Variants in HPSE2 observed in about 807,000 individuals in gnomAD.
The protein encoded by HPSE2 is inactive heparanase-2.
In HPSE2, 38 loss-of-function variants were observed where a neutral mutation model predicts 60.5. The ratio of observed to expected loss-of-function variants is 0.63; its 90% CI spans 0.48 to 0.82. The LOEUF is 0.82. HPSE2 is among the 40% of genes least tolerant of loss of function. HPSE2 has a pLI of 0.00. For missense variants in HPSE2, 713 were observed against 740.4 expected (o/e 0.96, Z 0.43); for synonymous variants, 295 against 293.2 (o/e 1.01, Z -0.06).
intron 3 of HPSE2, among the ~76,000 whole-genome samples, chr10:99,115,489 T>TG (rs1844653761): frequency 9.2e-5 from 14 of 151,932 alleles, no homozygotes; most frequent in Admixed American, 5.2e-4. Flanking sequence ...GAGACAGGGC[T>TG]TTGCTATGTT....
intron 9 of HPSE2, among the ~76,000 whole-genome samples, chr10:98,524,496 A>T (rs921901052): frequency 1.3e-5 from 2 of 152,190 alleles, no homozygotes; most frequent in Non-Finnish European, 2.9e-5. Flanking sequence ...AGTAACACAA[A>T]CAACCAAAGA....
At chr10:99,089,928 T>G (rs1843453862) in intron 3 of HPSE2, among the ~76,000 whole-genome samples, 1 of 152,172 alleles carries the variant, frequency 6.6e-6, no homozygotes, top group African/African-American at 2.4e-5. Context: ...TTTATTTTTC[T>G]GCAGCTATTG....
intron 2 of HPSE2, among the ~76,000 whole-genome samples, chr10:99,196,523 T>C (rs1289031492): frequency 6.6e-6 from 1 of 151,944 alleles, no homozygotes; most frequent in South Asian, 2.1e-4. Flanking sequence ...AAAAAAAATT[T>C]AATAATCTGA....
chr10:99,191,245 A>G (rs555364584), intron 2 of HPSE2, among the ~76,000 whole-genome samples: 3 of 152,044 alleles, frequency 2.0e-5, no homozygotes, highest in African/African-American at 7.2e-5. Flanking sequence ...TGGCTTCACC[A>G]CTGCTGACTG....
intron 9 of HPSE2, among the ~76,000 whole-genome samples, chr10:98,597,673 G>GAAA (rs35585915): frequency 7.4e-6 from 1 of 135,644 alleles, no homozygotes; most frequent in Non-Finnish European, 1.6e-5. Context: ...TCTGTCTCAA[G>GAAA]AAAAAAAAAA....
chr10:99,259,764 G>C, the HPSE2 span, among the ~76,000 whole-genome samples: 3 of 152,188 alleles, frequency 2.0e-5, no homozygotes, highest in Non-Finnish European at 4.4e-5. Context: ...CACAGCAGGA[G>C]GTGAGCAACA....
chr10:98,610,088 G>A (rs1343015047), intron 9 of HPSE2, among the ~76,000 whole-genome samples: 8 of 152,018 alleles, frequency 5.3e-5, no homozygotes, highest in Admixed American at 1.3e-4. Context: ...TGATCCGCCC[G>A]CCTTGGCCTC....
chr10:99,074,041 T>C (rs1227189460), intron 3 of HPSE2, among the ~76,000 whole-genome samples: 1 of 151,662 alleles, frequency 6.6e-6, no homozygotes, highest in Non-Finnish European at 1.5e-5. Context: ...TCTGATTTGG[T>C]TGACTTTTCT....
At chr10:98,817,789 C>A (rs568156417) in intron 3 of HPSE2, among the ~76,000 whole-genome samples, 1 of 152,210 alleles carries the variant, frequency 6.6e-6, no homozygotes, top group Admixed American at 6.5e-5. Flanking sequence ...GTTTCCTATA[C>A]ACTTTGGACA....
chr10:98,600,813 T>C (rs1249641104), intron 9 of HPSE2, among the ~76,000 whole-genome samples: 1 of 146,248 alleles, frequency 6.8e-6, no homozygotes, highest in African/African-American at 2.5e-5. Flanking sequence ...CGTGTGTGCG[T>C]GTGTGTGTAG....
At chr10:99,290,824 G>C in the HPSE2 span, among the ~76,000 whole-genome samples, 1 of 152,132 alleles carries the variant, frequency 6.6e-6, no homozygotes, top group Non-Finnish European at 1.5e-5. Context: ...AGGTGACCCA[G>C]ACAAATTATT....
intron 11 of HPSE2, among the ~76,000 whole-genome samples, chr10:98,476,328 T>TG (rs1285591509): frequency 5.6e-5 from 4 of 71,074 alleles, no homozygotes; most frequent in African/African-American, 2.1e-4. Flanking sequence ...TGTTGTGGGG[T>TG]GGGGGGAGGG....
chr10:98,589,360 T>C (rs1390916083), intron 9 of HPSE2, among the ~76,000 whole-genome samples: 2 of 152,230 alleles, frequency 1.3e-5, no homozygotes, highest in Non-Finnish European at 2.9e-5. Context: ...CTCTTGAGTG[T>C]TCTTTCAGCT....
chr10:98,656,766 T>C (rs1195092102), intron 6 of HPSE2, among the ~76,000 whole-genome samples: 2 of 150,400 alleles, frequency 1.3e-5, no homozygotes, highest in Admixed American at 1.3e-4. Context: ...GATAGGTTTT[T>C]TTTTTTTTTT....
At chr10:98,875,591 C>A (rs1319133647) in intron 3 of HPSE2, among the ~76,000 whole-genome samples, 1 of 151,832 alleles carries the variant, frequency 6.6e-6, no homozygotes, top group African/African-American at 2.4e-5. Context: ...CTGAATTCTA[C>A]CAGAGGTACA....
intron 2 of HPSE2, among the ~76,000 whole-genome samples, chr10:99,150,059 C>T (rs1846201632): frequency 1.3e-5 from 2 of 152,074 alleles, no homozygotes; most frequent in Admixed American, 1.3e-4. Context: ...ATGATCCTTA[C>T]CCTAGTATAC....
intron 3 of HPSE2, among the ~76,000 whole-genome samples, chr10:98,977,139 G>C (rs1956104255): frequency 6.6e-6 from 1 of 152,148 alleles, no homozygotes; most frequent in African/African-American, 2.4e-5. Context: ...CACCATGTTT[G>C]TGGTAATTTG....
intron 3 of HPSE2, among the ~76,000 whole-genome samples, chr10:98,994,702 C>A (rs1037811931): frequency 6.6e-6 from 1 of 152,090 alleles, no homozygotes; most frequent in Non-Finnish European, 1.5e-5. Context: ...GGTGATGGGA[C>A]CAGAGACGGT....
At chr10:98,750,561 G>A (rs1949735660) in intron 3 of HPSE2, among the ~76,000 whole-genome samples, 1 of 152,128 alleles carries the variant, frequency 6.6e-6, no homozygotes, top group South Asian at 2.1e-4. Context: ...GGACCAGGGT[G>A]GTAGCAGCAG....
Sources: gnomAD v4.1 joint callset for allele counts (sites outside exome capture counted in the v4.1 genomes callset) on GRCh38, gnomAD v4.1.1 for gene constraint, MANE v1.5 for transcripts, NCBI Gene and HGNC (gene_info 2026-07-23, HGNC 2026-07-21) for gene names.